The following RBM19 variants were observed in gnomAD, a reference collection of about 807,000 sequenced individuals.
The protein encoded by RBM19 is probable RNA-binding protein 19.
RBM19 carries 94 observed loss-of-function variants against 116.8 expected under a neutral mutation model. That is an observed-to-expected ratio of 0.80 (90% CI 0.68 to 0.95). The LOEUF is 0.95. Ranked by LOEUF, RBM19 falls within the 40% of genes least tolerant of loss-of-function variation. RBM19 has a pLI of 0.00. For synonymous variants in RBM19, 475 were observed against 494.1 expected, an observed-to-expected ratio of 0.96 and a Z score of 0.51; for missense variants, 1,161 against 1,220.7, an observed-to-expected ratio of 0.95 and a Z score of 0.73.
At chr12:113,863,483 TGGAGCCTGGGCAGGCTG>T (rs1181000927) in intron 21 of RBM19, among the ~76,000 whole-genome samples, 1 of 152,220 alleles carries the variant, frequency 6.6e-6, no homozygotes, top group Non-Finnish European at 1.5e-5. Context: ...TGCTGGTACC[TGGAGCCTGGGCAGGCTG>T]GGAGTCCTGC....
Position 113,957,997 on chromosome 12 carries a change from C to G in RBM19, c.625G>C (p.Asp209His), listed in dbSNP as rs757503823. The change falls in exon 6 of 24, where the codon GAT (aspartate) becomes CAT (histidine). Residue 209 changes from aspartate to histidine, a missense_variant. By Grantham distance (81) the Asp-to-His change is moderately conservative (BLOSUM62 -1). Transcript: ENST00000261741. ...AAVQKELSDM[D>H]YLKSKMVKAG... ...TTCACCATCTTGGATTTCAGGTAAT[C>G]CATGTCCGACAGCTCCTTCTGCACA... 55 of 1,614,022 alleles carry G rather than the reference C, an allele frequency of 3.4e-5. No homozygotes were observed. The Middle Eastern group carries it at 1.2e-3, about 34-fold the overall frequency.
intron 21 of RBM19, among the ~76,000 whole-genome samples, chr12:113,909,716 C>T (rs912211682): frequency 1.5e-4 from 23 of 152,240 alleles, no homozygotes; most frequent in East Asian, 3.9e-4. Context: ...ACAGGCTAAG[C>T]GTGAGCCACC....
At chr12:113,941,554 C>T (rs1185940337) in intron 14 of RBM19, among the ~76,000 whole-genome samples, 2 of 148,992 alleles carry the variant, frequency 1.3e-5, no homozygotes, top group Non-Finnish European at 3.0e-5. Context: ...TCTATCTACC[C>T]ATCCATCCAT....
At chr12:113,961,972 C>A in intron 2 of RBM19, among the ~76,000 whole-genome samples, 1 of 152,234 alleles carries the variant, frequency 6.6e-6, no homozygotes, top group East Asian at 1.9e-4. Flanking sequence ...ATGGTCGTCA[C>A]CTGAGGGCTT....
At chr12:113,954,287 G>A (rs962734217) in intron 7 of RBM19, among the ~76,000 whole-genome samples, 1 of 152,062 alleles carries the variant, frequency 6.6e-6, no homozygotes, top group Admixed American at 6.5e-5. Context: ...GTGAGACCCT[G>A]TCTCACACAC....
chr12:113,919,020 G>A (rs535376869), intron 19 of RBM19, among the ~76,000 whole-genome samples: 1 of 152,264 alleles, frequency 6.6e-6, no homozygotes, highest in Admixed American at 6.5e-5. Context: ...TACAGTACAC[G>A]TGCAAAGTGA....
chr12:113,906,449 C>G (rs1173652478), intron 21 of RBM19, among the ~76,000 whole-genome samples: 1 of 152,108 alleles, frequency 6.6e-6, no homozygotes, highest in Non-Finnish European at 1.5e-5. Context: ...AGTGGCTGCT[C>G]TTGGTGGGGG....
intron 21 of RBM19, among the ~76,000 whole-genome samples, chr12:113,908,073 A>G (rs950885478): frequency 4.6e-5 from 7 of 152,140 alleles, no homozygotes; most frequent in Middle Eastern, 3.4e-3. Context: ...GAACTTGGCT[A>G]AGGGTTTTCT....
intron 13 of RBM19, among the ~76,000 whole-genome samples, chr12:113,944,117 T>TTGG (rs374683065): frequency 4.9e-5 from 5 of 102,600 alleles, no homozygotes; most frequent in Non-Finnish European, 9.4e-5. Context: ...TTTTTTTTTT[T>TTGG]GGGGCAGACT....
intron 16 of RBM19, among the ~76,000 whole-genome samples, chr12:113,927,806 A>G (rs1869241042): frequency 2.0e-5 from 3 of 152,196 alleles, no homozygotes; most frequent in Non-Finnish European, 4.4e-5. Flanking sequence ...GTCTATACAT[A>G]TTAAATTCAG....
intron 23 of RBM19, among the ~76,000 whole-genome samples, chr12:113,836,994 TACACACACACACACACAC>T (rs55991489): frequency 3.6e-5 from 2 of 56,248 alleles, no homozygotes; most frequent in Admixed American, 2.3e-4. Flanking sequence ...ACTTACTACA[TACACACACACACACACAC>T]ACACACACAC....
At chr12:113,831,682 C>A (rs1312128560) in intron 23 of RBM19, among the ~76,000 whole-genome samples, 1 of 152,236 alleles carries the variant, frequency 6.6e-6, no homozygotes, top group African/African-American at 2.4e-5. Flanking sequence ...ACAGAGAACA[C>A]AAGTCAATAA....
Position 113,950,072 on chromosome 12 carries a change from G to A in RBM19, c.1072+11C>T, listed in dbSNP as rs1871343254. 5.7e-6 allele frequency: 9 copies of A among 1,590,020 alleles called. No individual in the cohort carries two copies. Among genetic ancestry groups the A allele is most frequent in the African/African-American group, 1.3e-5 (1 of 74,354 alleles). On this transcript the variant is annotated intron_variant, in intron 9 of 23. Transcript: ENST00000261741. Reference sequence around the variant, plus strand: ...TAACACAGAGAGAGCACATGGCCAGGGCTTCCTTACCCATGTACTCCCGGT... The same window carrying A: ...TAACACAGAGAGAGCACATGGCCAGAGCTTCCTTACCCATGTACTCCCGGT...
chr12:113,946,345 AC>A lies in RBM19; in HGVS notation c.1529+8del. The A allele has an allele frequency of 6.2e-7, 1 of 1,614,084 alleles. No individual in the cohort carries two copies. The highest frequency in any genetic ancestry group is 8.5e-7 in the Non-Finnish European group (1 of 1,179,990). On this transcript the variant is annotated splice_region_variant and intron_variant, in intron 12 of 23. Transcript: ENST00000261741. ...GTTGGAGCTCAGTGGTTTCAGGGGCACTGAGGACCTGGCACTGTTGGCTTTG... is the reference window on the plus strand; with the variant it reads ...GTTGGAGCTCAGTGGTTTCAGGGGCATGAGGACCTGGCACTGTTGGCTTTG...
chr12:113,895,495 G>A (rs1217506092), intron 21 of RBM19, among the ~76,000 whole-genome samples: 1 of 152,224 alleles, frequency 6.6e-6, no homozygotes, highest in African/African-American at 2.4e-5. Context: ...AAATAGGCAA[G>A]ATTGCCAGAC....
At chr12:113,860,208 C>T (rs547679458) in intron 21 of RBM19, among the ~76,000 whole-genome samples, 4 of 152,278 alleles carry the variant, frequency 2.6e-5, no homozygotes, top group East Asian at 1.9e-4. Flanking sequence ...GAGTGGAGCC[C>T]GGTCAGGTTT....
rs1186746519 is a variant in RBM19, at chr12:113,959,737, C to A, written c.378+128G>T. The A allele has an allele frequency of 3.6e-5, 42 of 1,177,490 alleles. 1 individual carries two copies. The Admixed American group carries it at 8.1e-4, about 23-fold the overall frequency. 72.9% of individuals were successfully genotyped at this position (1,177,490 alleles called of 1,614,324 possible). A position where few individuals can be genotyped will look rare whatever the true frequency, so the allele number is the denominator to read the frequency against. ...CTCTCCAGCCTCTTCCCTTTCCTAG[C>A]CTCCACCCTCTCCAGCCTCTACGGT... is the stretch of plus-strand genomic sequence containing the variant. On this transcript the variant is annotated intron_variant, in intron 4 of 23. Coordinates refer to ENST00000261741, the MANE Select transcript of RBM19 (RefSeq NM_016196.4).
rs1463277120 is a variant in RBM19 at position 113,903,510 on chromosome 12, C to T, written c.2558+11459G>A. 2.6e-5 allele frequency among the ~76,000 whole-genome samples: 4 copies of T among 152,196 alleles called. No individual in the cohort carries two copies. Among genetic ancestry groups the T allele is most frequent in the South Asian group, 2.1e-4 (1 of 4,830 alleles). ...ATCACTGGGTCATAGAGAAAGTGCACGTTTTACTTTGTAAGAAACTGCCCA... is the reference window on the plus strand; with the variant it reads ...ATCACTGGGTCATAGAGAAAGTGCATGTTTTACTTTGTAAGAAACTGCCCA... On this transcript the variant is annotated intron_variant, in intron 21 of 23. Transcript: ENST00000261741. This position sits in a 1 kb window ranked among gnomAD's most constrained non-coding sequence, Gnocchi z 5.1.
intron 21 of RBM19, among the ~76,000 whole-genome samples, chr12:113,889,999 C>A (rs562244753): frequency 1.2e-4 from 19 of 152,350 alleles, no homozygotes; most frequent in African/African-American, 4.3e-4. Flanking sequence ...CTGCAGCTAC[C>A]TCCGGCTTTC....
Sources: allele counts gnomAD v4.1 joint callset (sites outside exome capture counted in the v4.1 genomes callset), GRCh38; gene constraint gnomAD v4.1.1; non-coding constraint Gnocchi (gnomAD v3.1); transcripts MANE v1.5; gene names NCBI Gene and HGNC (gene_info 2026-07-23, HGNC 2026-07-21).